The following SFTPD variants were observed in gnomAD, a reference collection of about 807,000 sequenced individuals.
SFTPD encodes surfactant protein D.
Under a neutral mutation model 34.6 loss-of-function variants are expected in SFTPD, and 18 were observed. The observed-to-expected ratio is 0.52, with a 90% confidence interval of 0.36 to 0.77. The LOEUF (loss-of-function observed/expected upper bound fraction) is 0.77. Among genes scored for constraint, SFTPD ranks in the 30% least tolerant of loss-of-function variants. The pLI, the probability that SFTPD is intolerant of heterozygous loss-of-function variation, is 0.00. For missense variants in SFTPD, 433 were observed against 468.9 expected, an observed-to-expected ratio of 0.92 and a Z score of 0.71; for synonymous variants, 155 against 180.9, an observed-to-expected ratio of 0.86 and a Z score of 1.15.
At chr10:79,948,162 G>A (rs1842684850) in intron 1 of SFTPD, among the ~76,000 whole-genome samples, 1 of 152,240 alleles carries the variant, frequency 6.6e-6, no homozygotes, top group Non-Finnish European at 1.5e-5. Context: ...CTCACTGCCA[G>A]CAGCGGCTAC....
intron 2 of SFTPD, 93 bp from the exon 3 acceptor site, chr10:79,942,972 T>C (rs1842629515): frequency 5.0e-6 from 4 of 793,238 alleles, no homozygotes; most frequent in African/African-American, 1.7e-5. Flanking sequence ...CCTTTAGGAT[T>C]CTGCAGAGCA....
chr10:79,953,162 T>C (rs547962732), upstream of SFTPD, among the ~76,000 whole-genome samples: 1 of 152,368 alleles, frequency 6.6e-6, no homozygotes, highest in East Asian at 1.9e-4. Flanking sequence ...CCAATGTCTC[T>C]AGACAGCCAT....
chr10:79,962,162 G>A lies in SFTPD; in HGVS notation c.37-15500C>T, dbSNP rs372829633. ...GACTGTTGTGGGGTGGGGGGAGGGG[G>A]GAGGGATAGCATTAGGAGATATACC... On this transcript the variant is annotated intron_variant, in intron 1 of 5. Transcript: ENST00000444384. Among the ~76,000 whole-genome samples the A allele has an allele frequency of 6.2e-5, 7 of 113,186 alleles. No individual in the cohort carries two copies. The East Asian group carries it at 2.4e-3, about 39-fold the overall frequency. The allele number at this position is 113,186 out of a possible 152,430, so 74.3% of individuals were successfully genotyped here. A position where few individuals can be genotyped will look rare whatever the true frequency, so the allele number is the denominator to read the frequency against.
At chr10:79,939,544 T>C (rs928320773) in intron 7 of SFTPD, among the ~76,000 whole-genome samples, 1 of 152,154 alleles carries the variant, frequency 6.6e-6, no homozygotes, top group African/African-American at 2.4e-5. Context: ...ATAGACAACA[T>C]ATGAGCTCAT....
At chr10:79,946,341 T>C in intron 2 of SFTPD, 120 bp downstream of exon 2, 1 of 780,178 alleles carries the variant, frequency 1.3e-6, no homozygotes, top group Non-Finnish European at 2.1e-6. Context: ...GGAACTCGCC[T>C]TCTTGGGAGG....
At chr10:79,942,095 A>G (rs749920144) in intron 4 of SFTPD, 25 bp from the exon 5 acceptor site, 5 of 1,541,530 alleles carry the variant, frequency 3.2e-6, no homozygotes, top group Non-Finnish European at 4.5e-6. Context: ...CACAGGAACA[A>G]ACACAGCTAA....
At chr10:79,938,471 G>A (rs186978197) in intron 7 of SFTPD, among the ~76,000 whole-genome samples, 95 of 152,254 alleles carry the variant, frequency 6.2e-4, no homozygotes, top group African/African-American at 2.2e-3. Context: ...GAAGCTAAGA[G>A]GCTCAAAGTC....
chr10:79,980,083 A>C (rs1213821160), intron 1 of SFTPD, among the ~76,000 whole-genome samples: 1 of 152,186 alleles, frequency 6.6e-6, no homozygotes, highest in Non-Finnish European at 1.5e-5. Context: ...CCCCCTGCTA[A>C]CTAAAGAGCC....
At chr10:79,960,935 T>C (rs7071426) in intron 1 of SFTPD, among the ~76,000 whole-genome samples, 92,472 of 151,386 alleles carry the variant, frequency 0.61, 29,429 homozygotes, top group African/African-American at 0.79. Flanking sequence ...ATGGTACTGG[T>C]ACCAAAACAG....
chr10:79,951,858 A>G (rs1324863294), upstream of SFTPD, among the ~76,000 whole-genome samples: 1 of 152,162 alleles, frequency 6.6e-6, no homozygotes, highest in Admixed American at 6.5e-5. Context: ...CACCCTGGGA[A>G]ACCCCAATTA....
In SFTPD at chr10:79,946,491, C is replaced by G. The variant is rs767698639; in HGVS notation, c.169G>C (p.Glu57Gln). 6.2e-7 allele frequency: 1 copy of G among 1,614,076 alleles called. No individual in the cohort carries two copies. The highest frequency in any genetic ancestry group is 1.1e-5 in the South Asian group (1 of 91,088). The part of the protein sequence containing the change: ...LPGRDGRDGR[E>Q]GPRGEKGDPG... ...TCCCCCTTCTCGCCCCGAGGGCCCT[C>G]TCTCCCATCCCGTCCATCGCGACCA... is the stretch of plus-strand genomic sequence containing the variant. Residue 57 changes from glutamate to glutamine, a missense_variant, in exon 2 of 8, where the codon GAG (glutamate) becomes CAG (glutamine). Coordinates refer to ENST00000372292, the MANE Select transcript of SFTPD (RefSeq NM_003019.5).
At chr10:79,955,672 T>C (rs1589338939) in intron 1 of SFTPD, among the ~76,000 whole-genome samples, 2 of 152,376 alleles carry the variant, frequency 1.3e-5, no homozygotes, top group African/African-American at 2.4e-5. Context: ...TTCACATGCA[T>C]ATGCAGGTTC....
At chr10:79,953,821 C>T (rs1263040714), upstream of SFTPD, among the ~76,000 whole-genome samples, 1 of 152,054 alleles carries the variant, frequency 6.6e-6, no homozygotes, top group East Asian at 1.9e-4. Context: ...TCCCATAAGT[C>T]CCATAGGCTT....
intron 1 of SFTPD, among the ~76,000 whole-genome samples, chr10:79,977,345 A>C (rs995771004): frequency 1.3e-5 from 2 of 152,256 alleles, no homozygotes; most frequent in Non-Finnish European, 1.5e-5. Flanking sequence ...CTGAGGCCAG[A>C]GAGCAACCTA....
Position 79,941,388 on chromosome 10 carries a change from G to A in SFTPD, c.667+10C>T, listed in dbSNP as rs780628849. Reference sequence around the variant, plus strand: ...GCGGGGCTTCCCTGGGCCAGGAGCTGCTACCTTACCTGGAAGCCCACTTTC... The same window carrying A: ...GCGGGGCTTCCCTGGGCCAGGAGCTACTACCTTACCTGGAAGCCCACTTTC... On this transcript the variant is annotated intron_variant, in intron 6 of 7. Coordinates refer to ENST00000372292, the MANE Select transcript of SFTPD (RefSeq NM_003019.5). The A allele has an allele frequency of 6.2e-7, 1 of 1,611,632 alleles. No individual in the cohort carries two copies. Among genetic ancestry groups the A allele is most frequent in the Non-Finnish European group, 8.5e-7 (1 of 1,177,808 alleles).
At chr10:79,968,689 G>A (rs1451086007) in intron 1 of SFTPD, 3 of 152,152 alleles carry the variant, frequency 2.0e-5, no homozygotes, top group Non-Finnish European at 4.4e-5. Flanking sequence ...CCAGTAATGA[G>A]ACTGTGTCAA....
upstream of SFTPD, among the ~76,000 whole-genome samples, chr10:79,953,132 G>A (rs1434751626): frequency 6.6e-6 from 1 of 152,140 alleles, no homozygotes; most frequent in Non-Finnish European, 1.5e-5. Flanking sequence ...TTGGTTCTTT[G>A]TTCTGAGGAG....
intron 1 of SFTPD, among the ~76,000 whole-genome samples, chr10:79,976,738 G>A (rs1401544686): frequency 6.6e-6 from 1 of 152,180 alleles, no homozygotes; most frequent in Non-Finnish European, 1.5e-5. Flanking sequence ...GTCATTGGGT[G>A]CTGCCTGGCA....
At chr10:79,940,216 C>G (rs370459858) in intron 7 of SFTPD, among the ~76,000 whole-genome samples, 14 of 152,198 alleles carry the variant, frequency 9.2e-5, no homozygotes, top group East Asian at 3.9e-4. Flanking sequence ...CATACCTGGC[C>G]CCTCTGAGCT....
Sources: gnomAD v4.1 joint callset for allele counts (sites outside exome capture counted in the v4.1 genomes callset) on GRCh38, gnomAD v4.1.1 for gene constraint, MANE v1.5 for transcripts, NCBI Gene and HGNC (gene_info 2026-07-23, HGNC 2026-07-21) for gene names.